Variants in MDN1 observed in about 807,000 individuals in gnomAD.
MDN1 encodes the protein midasin.
Under a neutral mutation model 669.2 loss-of-function variants are expected in MDN1, and 266 were observed. That is an observed-to-expected ratio of 0.40 (90% CI 0.36 to 0.44). MDN1 has a LOEUF of 0.44. Ranked by LOEUF, MDN1 falls within the 20% of genes least tolerant of loss-of-function variation. The probability of loss-of-function intolerance (pLI) is 1.00; values close to 1 mark genes in which losing one functional copy is unlikely to be tolerated. For missense variants in MDN1, 5,940 were observed against 6,754.0 expected, an observed-to-expected ratio of 0.88 and a Z score of 4.22; for synonymous variants, 2,385 against 2,457.1, an observed-to-expected ratio of 0.97 and a Z score of 0.87.
Position 89,799,197 on chromosome 6 carries a change from C to T in MDN1, c.329+4131G>A, listed in dbSNP as rs544667073. Among the ~76,000 whole-genome samples the T allele has an allele frequency of 3.3e-5, 5 of 152,308 alleles. No homozygotes were observed. The East Asian group carries it at 9.7e-4, about 29-fold the overall frequency. On this transcript the variant is annotated intron_variant, in intron 2 of 101. Coordinates refer to ENST00000369393, the MANE Select transcript of MDN1 (RefSeq NM_014611.3). ...GGACCATGTCTTTGAAAAGAAAGTGCATGCTCCACCACAACAATCCATCTG... is the reference window on the plus strand; with the variant it reads ...GGACCATGTCTTTGAAAAGAAAGTGTATGCTCCACCACAACAATCCATCTG...
At chr6:89,723,317 C>T (rs1170973655) in intron 39 of MDN1, among the ~76,000 whole-genome samples, 174 bp from the exon 40 acceptor site, 1 of 152,224 alleles carries the variant, frequency 6.6e-6, no homozygotes, top group East Asian at 1.9e-4. Context: ...TAAGCATTAA[C>T]ACTGGTAGTC....
chr6:89,718,241 T>G, intron 43 of MDN1, 125 bp downstream of exon 43: 1 of 1,113,330 alleles, frequency 9.0e-7, no homozygotes, highest in African/African-American at 1.6e-5. Context: ...AGGTCAAACT[T>G]TCCCACAAGT....
rs750688311 is a variant in MDN1 at position 89,716,804 on chromosome 6, C to T, written c.6589G>A (p.Ala2197Thr). The T allele has an allele frequency of 1.2e-6, 2 of 1,601,300 alleles. No individual in the cohort carries two copies. The highest frequency in any genetic ancestry group is 1.7e-6 in the Non-Finnish European group (2 of 1,174,822). ...CTTCGGAACTCTTCAACAAGTTTGG[C>T]AAACTCTGAAATGTCACAGGGAAGA... ...KINSYCKAEFAKLVEEFRSFG... is the reference protein window; with the variant it reads ...KINSYCKAEFTKLVEEFRSFG... Residue 2197 changes from alanine to threonine, a missense_variant, in exon 44 of 102, where the codon GCC (alanine) becomes ACC (threonine). This residue lies in a region of MDN1 where 2,292 missense variants were observed against 2,638.3 expected (regional missense o/e 0.87). Coordinates refer to ENST00000369393, the MANE Select transcript of MDN1 (RefSeq NM_014611.3).
chr6:89,758,730 C>T, intron 18 of MDN1, 86 bp downstream of exon 18: 1 of 1,438,902 alleles, frequency 6.9e-7, no homozygotes, highest in Non-Finnish European at 9.5e-7. Flanking sequence ...CCATGTCATC[C>T]TTCTAACAAC....
At chr6:89,756,193 G>C (rs1817234645) in intron 20 of MDN1, 84 bp downstream of exon 20, 2 of 597,108 alleles carry the variant, frequency 3.3e-6, no homozygotes, top group South Asian at 3.4e-5. Context: ...AAGTAAAAAA[G>C]AATACATATT....
chr6:89,707,534 A>G (rs1813596767), intron 51 of MDN1, 58 bp from the exon 52 acceptor site: 1 of 1,080,224 alleles, frequency 9.3e-7, no homozygotes, highest in Non-Finnish European at 1.4e-6. Context: ...ATTTTCAATC[A>G]TATCCTCTAT....
Position 89,758,367 on chromosome 6 carries a change from T to C in MDN1, c.2606-16A>G. 1.9e-6 allele frequency: 3 copies of C among 1,580,316 alleles called. No individual in the cohort carries two copies. Among genetic ancestry groups the C allele is most frequent in the Non-Finnish European group, 2.6e-6 (3 of 1,156,618 alleles). ...ACCAGTGGCTCTGTTAAGAGAAAATTACAAATTCTCAACAAAGGTATGATT... is the reference window on the plus strand; with the variant it reads ...ACCAGTGGCTCTGTTAAGAGAAAATCACAAATTCTCAACAAAGGTATGATT... On this transcript the variant is annotated splice_polypyrimidine_tract_variant and intron_variant, in intron 18 of 101. Coordinates refer to ENST00000369393, the MANE Select transcript of MDN1 (RefSeq NM_014611.3).
At position 89,690,245 on chromosome 6, in the gene MDN1, G is replaced by A; in HGVS notation, c.10750-102C>T. The A allele has an allele frequency of 9.9e-6, 12 of 1,211,660 alleles. No homozygotes were observed. The South Asian group carries it at 1.6e-4, about 17-fold the overall frequency. The allele number at this position is 1,211,660 out of a possible 1,614,324, so 75.1% of individuals were successfully genotyped here. A position where few individuals can be genotyped will look rare whatever the true frequency, so the allele number is the denominator to read the frequency against. ...AAAGCATAAGAATGACTGAAAAAAT[G>A]AAATAGGACTAATATATGTATTAAA... On this transcript the variant is annotated intron_variant, in intron 64 of 101. Transcript: ENST00000369393.
At chr6:89,666,803 A>G (rs1041038502) in intron 84 of MDN1, among the ~76,000 whole-genome samples, 1 of 152,230 alleles carries the variant, frequency 6.6e-6, no homozygotes, top group East Asian at 1.9e-4. Flanking sequence ...GCAAGACCTC[A>G]TCTCTTAAAA....
intron 17 of MDN1, among the ~76,000 whole-genome samples, chr6:89,761,002 TACAAAA>T (rs1562190982): frequency 2.0e-5 from 3 of 151,884 alleles, no homozygotes; most frequent in African/African-American, 7.3e-5. Context: ...CTACTAAAAA[TACAAAA>T]ACAAAAAATT....
At position 89,674,486 on chromosome 6, in the gene MDN1, G is replaced by A. The variant is rs766037169; in HGVS notation, c.12865C>T (p.Arg4289Cys). Residue 4289 changes from arginine to cysteine, a missense_variant, in exon 79 of 102, where the codon CGC becomes TGC. Physicochemically the swap from Arg to Cys is radical, Grantham distance 180. Around this residue, in one of 5 missense-constraint regions of MDN1, gnomAD observed 2,280 missense variants for 2,576.3 expected, o/e 0.88. Transcript: ENST00000369393. ...PQDGVQQWTE[R>C]LQHLAMQCQI... ...CACTGCATGGCCAGGTGCTGCAGGC[G>A]CTCTGTCCACTGCTGCACGCCATCC... The A allele has an allele frequency of 4.3e-6, 7 of 1,612,754 alleles. No individual in the cohort carries two copies. The highest frequency in any genetic ancestry group is 1.1e-5 in the South Asian group (1 of 91,070).
chr6:89,650,748 G>A lies in MDN1; in HGVS notation c.16015C>T (p.Gln5339Ter). 6.2e-7 allele frequency: 1 copy of A among 1,613,862 alleles called. No individual in the cohort carries two copies. The highest frequency in any genetic ancestry group is 8.5e-7 in the Non-Finnish European group (1 of 1,179,846). The change falls in exon 96 of 102, where the codon CAG (glutamine) becomes TAG (stop). Residue 5339 changes from glutamine to a stop codon, truncating the protein, a stop_gained. Transcript: ENST00000369393. LOFTEE classifies it high-confidence loss of function. ...EELRLILEPTQAAKLKGDYRT... is the reference protein window; with the variant it reads ...EELRLILEPT Reference sequence around the variant, plus strand: ...AAGACTTACTTCAGCTTGGCTGCCTGGGTAGGCTCTAATATGAGACGAAGC... The same window carrying A: ...AAGACTTACTTCAGCTTGGCTGCCTAGGTAGGCTCTAATATGAGACGAAGC...
At position 89,758,957 on chromosome 6, in the gene MDN1, T is replaced by C. The variant is rs753638815; in HGVS notation, c.2464A>G (p.Thr822Ala). Residue 822 changes from threonine (T) to alanine (A), a missense_variant, in exon 18 of 102, where the codon ACA becomes GCA. Physicochemically the swap from Thr to Ala is moderately conservative, Grantham distance 58 (BLOSUM62 0). Transcript: ENST00000369393. ...NTLLFAFVEG[T>A]LAQAVKKGEW... Reference sequence around the variant, plus strand: ...CCTTTCTTTACAGCCTGAGCTAATGTACCCTAGAAAAAGATAAAATAAAAT... The same window carrying C: ...CCTTTCTTTACAGCCTGAGCTAATGCACCCTAGAAAAAGATAAAATAAAAT... The C allele has an allele frequency of 1.2e-6, 2 of 1,613,084 alleles. No homozygotes were observed. The highest frequency in any genetic ancestry group is 1.7e-6 in the Non-Finnish European group (2 of 1,179,232).
At chr6:89,670,139 C>CATATATATAT (rs1168606501) in intron 83 of MDN1, among the ~76,000 whole-genome samples, 45 of 48,936 alleles carry the variant, frequency 9.2e-4, no homozygotes, top group African/African-American at 2.1e-3. Flanking sequence ...TCCAAAAAAA[C>CATATATATAT]ATATATATAT....
intron 31 of MDN1, among the ~76,000 whole-genome samples, chr6:89,740,867 A>G (rs1370731644): frequency 6.6e-6 from 1 of 152,240 alleles, no homozygotes; most frequent in Non-Finnish European, 1.5e-5. Flanking sequence ...CTGCAGAGAC[A>G]AAAAAGAGAT....
At chr6:89,815,146 T>C in intron 1 of MDN1, 1 of 383,534 alleles carries the variant, frequency 2.6e-6, no homozygotes, top group South Asian at 2.1e-5. Flanking sequence ...CAGACCCCTG[T>C]GCATCACCAC....
chr6:89,710,593 G>A, intron 50 of MDN1, 88 bp downstream of exon 50: 1 of 630,542 alleles, frequency 1.6e-6, no homozygotes, highest in Non-Finnish European at 2.6e-6. Context: ...GTTATGTTGA[G>A]ACCTCTAACA....
At position 89,672,347 on chromosome 6, in the gene MDN1, C is replaced by T. The variant is rs1423462667; in HGVS notation, c.13647G>A (p.Leu4549=). The T allele has an allele frequency of 6.2e-7, 1 of 1,612,558 alleles. No homozygotes were observed. Among genetic ancestry groups the T allele is most frequent in the Non-Finnish European group, 8.5e-7 (1 of 1,179,692 alleles). ...AGAGTTTTGTTAGATGTCCTGATTG[C>T]AGTCTCTCAAAGCCTGCTGCCTCAT... The part of the protein sequence containing the change: ...PQEDYAGFER[L]QSGHLTKLLE... The change falls in exon 82 of 102, where the codon CTG becomes CTA. Residue 4549 remains leucine (L), a synonymous_variant. Transcript: ENST00000369393.
At chr6:89,674,635 A>G (rs1226083592) in intron 78 of MDN1, 46 bp from the exon 79 acceptor site, 1 of 1,497,868 alleles carries the variant, frequency 6.7e-7, no homozygotes, top group Non-Finnish European at 8.8e-7. Flanking sequence ...TGGCACCTTA[A>G]ACCACTTTAC....
Sources: allele counts gnomAD v4.1 joint callset (sites outside exome capture counted in the v4.1 genomes callset), GRCh38; gene constraint gnomAD v4.1.1; regional missense constraint gnomAD v4.1.1; transcripts MANE v1.5; gene names NCBI Gene and HGNC (gene_info 2026-07-23, HGNC 2026-07-21).